The following ZFYVE28 variants were observed in gnomAD, a reference collection of about 807,000 sequenced individuals.
ZFYVE28 encodes the protein lateral signaling target protein 2 homolog.
A neutral mutation model predicts 82.1 loss-of-function variants in ZFYVE28; 40 were observed. That is an observed-to-expected ratio of 0.49 (90% CI 0.38 to 0.63). The LOEUF is 0.63. ZFYVE28 is among the 30% of genes least tolerant of loss of function. The probability of loss-of-function intolerance (pLI) is 0.00; values close to 1 mark genes in which losing one functional copy is unlikely to be tolerated. For synonymous variants in ZFYVE28, 612 were observed against 546.1 expected, an observed-to-expected ratio of 1.12 and a Z score of -1.68; for missense variants, 1,321 against 1,242.1, an observed-to-expected ratio of 1.06 and a Z score of -0.96.
At chr4:2,329,740 T>C (rs751936790) in intron 6 of ZFYVE28, among the ~76,000 whole-genome samples, 9 of 152,272 alleles carry the variant, frequency 5.9e-5, no homozygotes, top group Non-Finnish European at 1.0e-4. Flanking sequence ...TTGTGCTTAA[T>C]ACACTGGGGA....
intron 1 of ZFYVE28, among the ~76,000 whole-genome samples, chr4:2,360,389 T>TCACACACACACACACACA (rs10545681): frequency 1.4e-5 from 2 of 143,290 alleles, no homozygotes; most frequent in Non-Finnish European, 3.1e-5. Flanking sequence ...AGAGCTGTAA[T>TCACACACACACACACACA]CACACACACA....
intron 8 of ZFYVE28, among the ~76,000 whole-genome samples, chr4:2,303,548 C>T (rs1715950653): frequency 1.3e-5 from 2 of 152,172 alleles, no homozygotes; most frequent in Admixed American, 6.5e-5. Context: ...GGGTCCTGGC[C>T]AGGGGGTCAA....
intron 1 of ZFYVE28, among the ~76,000 whole-genome samples, chr4:2,378,496 C>T (rs1728395602): frequency 6.6e-6 from 1 of 152,192 alleles, no homozygotes; most frequent in Admixed American, 6.5e-5. Context: ...ATTCAGCTAC[C>T]ATTTCTTCAA....
intron 8 of ZFYVE28, among the ~76,000 whole-genome samples, chr4:2,304,071 T>C (rs1051671576): frequency 8.5e-5 from 13 of 152,324 alleles, no homozygotes; most frequent in African/African-American, 3.1e-4. Context: ...CTGGCGCACA[T>C]TTTCTGGTGC....
intron 5 of ZFYVE28, among the ~76,000 whole-genome samples, chr4:2,336,349 G>C (rs34876984): frequency 0.15 from 22,415 of 152,178 alleles, 2,392 homozygotes; most frequent in East Asian, 0.48. Context: ...CTGATAATTT[G>C]AAATATCTCT....
At chr4:2,327,543 G>A (rs968584366) in intron 6 of ZFYVE28, among the ~76,000 whole-genome samples, 9 of 151,372 alleles carry the variant, frequency 5.9e-5, no homozygotes, top group Middle Eastern at 3.2e-3. Flanking sequence ...CCTTTATTGC[G>A]TTAAGGCACA....
At chr4:2,312,693 C>G (rs1578036290) in intron 7 of ZFYVE28, among the ~76,000 whole-genome samples, 1 of 142,448 alleles carries the variant, frequency 7.0e-6, no homozygotes, top group Non-Finnish European at 1.5e-5. Context: ...CGCCACTGCG[C>G]TCCAGCCTGG....
rs144220010 is a variant in ZFYVE28, at chr4:2,319,871, A to C, written c.803+299T>G. Among the ~76,000 whole-genome samples the C allele has an allele frequency of 4.9e-3, 745 of 151,696 alleles. 8 individuals carry two copies. Among genetic ancestry groups the C allele is most frequent in the African/African-American group, 0.017 (701 of 41,296 alleles). On this transcript the variant is annotated intron_variant, in intron 7 of 12. Coordinates refer to ENST00000290974, the MANE Select transcript of ZFYVE28 (RefSeq NM_020972.3). ...GGTGGGGATGGTGGGGACAATGGGA[A>C]TGGTGGGGACAGCAGGACACTTAGC...
At chr4:2,370,659 C>T (rs1423889662) in intron 1 of ZFYVE28, among the ~76,000 whole-genome samples, 1 of 152,212 alleles carries the variant, frequency 6.6e-6, no homozygotes, top group East Asian at 1.9e-4. Context: ...CCATCCTGGG[C>T]ATCACTGTAC....
At position 2,335,822 on chromosome 4, in the gene ZFYVE28, C is replaced by A. The variant is rs1409588832; in HGVS notation, c.612-28G>T. ...GTCCGGGGAGACGGACAGTGAGCAG[C>A]ATGAGGGCTGGCCCACCACAGCCAC... On this transcript the variant is annotated intron_variant, in intron 5 of 12. Transcript: ENST00000290974. This position sits in a 1 kb window ranked among gnomAD's most constrained non-coding sequence, Gnocchi z 5.8. 1.9e-6 allele frequency: 3 copies of A among 1,543,430 alleles called. No homozygotes were observed. Among genetic ancestry groups the A allele is most frequent in the Non-Finnish European group, 2.6e-6 (3 of 1,140,522 alleles).
At chr4:2,405,877 C>A (rs886880182) in intron 1 of ZFYVE28, among the ~76,000 whole-genome samples, 3 of 149,742 alleles carry the variant, frequency 2.0e-5, no homozygotes, top group African/African-American at 7.4e-5. Flanking sequence ...GTGAAACCCC[C>A]ATCTCTACTA....
chr4:2,308,671 A>G (rs577838009), intron 7 of ZFYVE28, among the ~76,000 whole-genome samples: 27 of 111,308 alleles, frequency 2.4e-4, no homozygotes, highest in Admixed American at 9.6e-4. Flanking sequence ...GAAAGAAAGA[A>G]AGAAAGAGAA....
intron 1 of ZFYVE28, among the ~76,000 whole-genome samples, chr4:2,403,097 G>A (rs1177764456): frequency 2.6e-5 from 4 of 152,322 alleles, no homozygotes; most frequent in Non-Finnish European, 1.5e-5. Context: ...TCCTTTCCCC[G>A]TGGCCGCCTG....
intron 6 of ZFYVE28, among the ~76,000 whole-genome samples, chr4:2,323,546 A>AT (rs891633480): frequency 1.3e-5 from 2 of 150,582 alleles, no homozygotes; most frequent in African/African-American, 4.9e-5. Flanking sequence ...TTTCTTATTT[A>AT]TTTTTTATTA....
Position 2,394,650 on chromosome 4 carries a change from C to T in ZFYVE28, c.39+23635G>A, listed in dbSNP as rs372904920. On this transcript the variant is annotated intron_variant, in intron 1 of 12. Transcript: ENST00000290974. This position sits in a 1 kb window ranked among gnomAD's most constrained non-coding sequence, Gnocchi z 4.0. ...CATGCTTCCAGCTGCTCGGGCTGCT[C>T]GGTCACAGGCAGGGGCCTGGGTGTC... Among the ~76,000 whole-genome samples, 22 of 152,364 alleles carry T rather than the reference C, an allele frequency of 1.4e-4. No individual in the cohort carries two copies. In the East Asian group the frequency reaches 1.7e-3, roughly 12 times the overall value.
intron 2 of ZFYVE28, among the ~76,000 whole-genome samples, chr4:2,345,977 C>T (rs1436952795): frequency 3.9e-5 from 6 of 152,024 alleles, no homozygotes; most frequent in Admixed American, 1.3e-4. Context: ...AATAATTTTT[C>T]ATTCAAACAA....
intron 7 of ZFYVE28, among the ~76,000 whole-genome samples, chr4:2,310,466 G>A (rs1717321796): frequency 6.6e-6 from 1 of 151,904 alleles, no homozygotes; most frequent in Non-Finnish European, 1.5e-5. Context: ...GTAATATCTT[G>A]GTCAGGTTTA....
chr4:2,418,487 A>C lies in ZFYVE28; in HGVS notation c.-164T>G. ...CCGGAGCGCCGAGCGGGCGGCGGGCAGGTGCGCGGGGCAGGTGCGCGGCCC... is the reference window on the plus strand; with the variant it reads ...CCGGAGCGCCGAGCGGGCGGCGGGCCGGTGCGCGGGGCAGGTGCGCGGCCC... On this transcript the variant is annotated 5_prime_UTR_variant, in exon 1 of 13. Transcript: ENST00000290974. The surrounding 1 kb of genome is among the most constrained non-coding windows in gnomAD (Gnocchi z 4.6). 5.4e-6 allele frequency: 2 copies of C among 370,960 alleles called. No homozygotes were observed. Among genetic ancestry groups the C allele is most frequent in the Non-Finnish European group, 7.6e-6 (2 of 264,420 alleles). 23.0% of individuals were successfully genotyped at this position (370,960 alleles called of 1,614,324 possible).
At chr4:2,413,199 C>T (rs920816183) in intron 1 of ZFYVE28, among the ~76,000 whole-genome samples, 8 of 152,194 alleles carry the variant, frequency 5.3e-5, no homozygotes, top group East Asian at 1.9e-4. Context: ...CTCAGCAAAG[C>T]GCAGGAAATG....
Sources: allele counts gnomAD v4.1 joint callset (sites outside exome capture counted in the v4.1 genomes callset), GRCh38; gene constraint gnomAD v4.1.1; non-coding constraint Gnocchi (gnomAD v3.1); transcripts MANE v1.5; gene names NCBI Gene and HGNC (gene_info 2026-07-23, HGNC 2026-07-21).